The following FOXO3 variants were observed in gnomAD, a reference collection of about 807,000 sequenced individuals.
FOXO3 encodes the protein forkhead box O3.
FOXO3 carries 4 observed loss-of-function variants against 41.9 expected under a neutral mutation model. The ratio of observed to expected loss-of-function variants is 0.10; its 90% confidence interval spans 0.05 to 0.22. The LOEUF (loss-of-function observed/expected upper bound fraction) is 0.22, where lower values mean the gene tolerates loss of function less well. FOXO3 is among the 10% of genes least tolerant of loss of function. The pLI is 1.00. For synonymous variants in FOXO3, 318 were observed against 389.3 expected (o/e 0.82, Z 2.16); for missense variants, 534 against 906.8 (o/e 0.59, Z 5.28).
intron 1 of FOXO3, 66 bp downstream of exon 1, chr6:108,561,895 C>T: frequency 6.8e-7 from 1 of 1,475,850 alleles, no homozygotes; most frequent in Non-Finnish European, 9.0e-7. Context: ...AGACGCGTCT[C>T]GGATTCGTCG....
At chr6:108,613,253 T>C (rs993197942) in intron 1 of FOXO3, among the ~76,000 whole-genome samples, 1 of 152,192 alleles carries the variant, frequency 6.6e-6, no homozygotes, top group Admixed American at 6.5e-5. Context: ...ATGGTGGTCT[T>C]ATAACATGAG....
chr6:108,583,474 A>G (rs999274314), intron 1 of FOXO3, among the ~76,000 whole-genome samples: 2 of 152,190 alleles, frequency 1.3e-5, no homozygotes, highest in Non-Finnish European at 2.9e-5. Context: ...GTGCCAGAGG[A>G]GTGGGCACAT....
At chr6:108,585,344 C>G (rs984821756) in intron 1 of FOXO3, among the ~76,000 whole-genome samples, 2 of 141,592 alleles carry the variant, frequency 1.4e-5, no homozygotes, top group Admixed American at 1.4e-4. Flanking sequence ...CGCCCGGCCT[C>G]TATCTCCAAA....
intron 1 of FOXO3, among the ~76,000 whole-genome samples, chr6:108,577,094 C>T (rs1487194983): frequency 6.6e-6 from 1 of 151,838 alleles, no homozygotes; most frequent in Non-Finnish European, 1.5e-5. Context: ...GTTAATTTTG[C>T]TGAGGGAGAA....
At chr6:108,614,156 A>T (rs1446531822) in intron 1 of FOXO3, among the ~76,000 whole-genome samples, 2 of 152,044 alleles carry the variant, frequency 1.3e-5, no homozygotes, top group Non-Finnish European at 2.9e-5. Flanking sequence ...TTTTCCATGT[A>T]CTTAAAAAGA....
At chr6:108,635,703 C>A (rs1035591721) in intron 1 of FOXO3, among the ~76,000 whole-genome samples, 2 of 152,126 alleles carry the variant, frequency 1.3e-5, no homozygotes, top group Non-Finnish European at 2.9e-5. Context: ...AACGATTGGC[C>A]ACTTGTACAG....
rs150535671 is a variant in FOXO3 at position 108,664,378 on chromosome 6, G to A, written c.1545G>A (p.Pro515=). 1.5e-4 allele frequency: 237 copies of A among 1,613,668 alleles called. 3 individuals are homozygous for A. The African/African-American group carries it at 2.7e-3, about 18-fold the overall frequency. ...SRRNVMLRND[P]MMSFAAQPNQ... ...GGAACGTGATGCTTCGCAATGATCC[G>A]ATGATGTCCTTTGCTGCCCAGCCTA... The change falls in exon 2 of 3, where the codon CCG becomes CCA. Residue 515 remains proline (P), a synonymous_variant. Transcript: ENST00000406360.
At chr6:108,637,379 A>T (rs1778146822) in intron 1 of FOXO3, among the ~76,000 whole-genome samples, 1 of 152,158 alleles carries the variant, frequency 6.6e-6, no homozygotes, top group South Asian at 2.1e-4. Flanking sequence ...TTTGTCCCAG[A>T]GTCCTGCTTA....
At chr6:108,583,107 C>A (rs1372818605) in intron 1 of FOXO3, among the ~76,000 whole-genome samples, 3 of 152,204 alleles carry the variant, frequency 2.0e-5, no homozygotes, top group Non-Finnish European at 4.4e-5. Flanking sequence ...TGTGAACTGA[C>A]TCCGTGGTCA....
chr6:108,678,770 G>A (rs981242400), intron 2 of FOXO3, among the ~76,000 whole-genome samples: 10 of 150,956 alleles, frequency 6.6e-5, no homozygotes, highest in Non-Finnish European at 1.2e-4. Context: ...TGGCGTGCCT[G>A]TAGTCCTAGC....
intron 1 of FOXO3, among the ~76,000 whole-genome samples, chr6:108,593,144 A>C (rs1776775653): frequency 6.6e-6 from 1 of 152,210 alleles, no homozygotes; most frequent in Non-Finnish European, 1.5e-5. Context: ...GACTTGGTAC[A>C]AGTGTTTTTT....
At chr6:108,664,997 A>C in intron 2 of FOXO3, 108 bp downstream of exon 2, 1 of 1,204,524 alleles carries the variant, frequency 8.3e-7, no homozygotes, top group Non-Finnish European at 1.1e-6. Flanking sequence ...ACTGAAAACC[A>C]TGGAGCAGTG....
Position 108,655,635 on chromosome 6 carries a change from C to T in FOXO3, c.622-7820C>T, listed in dbSNP as rs143820678. Among the ~76,000 whole-genome samples the T allele has an allele frequency of 3.2e-3, 481 of 152,208 alleles. 2 individuals carry two copies. Among genetic ancestry groups the T allele is most frequent in the Non-Finnish European group, 5.3e-3 (361 of 68,006 alleles). On this transcript the variant is annotated intron_variant, in intron 1 of 2. Transcript: ENST00000406360. Reference sequence around the variant, plus strand: ...AGTCTCCCCAGGTGATTCTAATAGGCGGGGTGAAGAACTACTACTGAAGGG... The same window carrying T: ...AGTCTCCCCAGGTGATTCTAATAGGTGGGGTGAAGAACTACTACTGAAGGG...
intron 2 of FOXO3, among the ~76,000 whole-genome samples, chr6:108,672,395 C>T (rs573265949): frequency 6.6e-6 from 1 of 152,280 alleles, no homozygotes; most frequent in South Asian, 2.1e-4. Flanking sequence ...ATAGGCTGTT[C>T]TTCTCTAAGC....
At chr6:108,571,716 C>T (rs867337082) in intron 1 of FOXO3, among the ~76,000 whole-genome samples, 32 of 152,260 alleles carry the variant, frequency 2.1e-4, no homozygotes, top group Non-Finnish European at 7.3e-5. Flanking sequence ...GCTTTGCCAA[C>T]GCCTTGATTT....
intron 1 of FOXO3, among the ~76,000 whole-genome samples, chr6:108,644,266 T>C (rs1426317258): frequency 2.0e-5 from 3 of 152,196 alleles, no homozygotes; most frequent in African/African-American, 7.2e-5. Context: ...ATTGTCCTCA[T>C]TGTTGTGAAG....
intron 1 of FOXO3, among the ~76,000 whole-genome samples, chr6:108,578,892 C>T (rs966219006): frequency 4.6e-5 from 7 of 152,118 alleles, no homozygotes; most frequent in African/African-American, 7.2e-5. Context: ...AAAAGGCGCA[C>T]GACCTCTTGC....
intron 1 of FOXO3, among the ~76,000 whole-genome samples, chr6:108,648,849 T>C (rs1035514626): frequency 1.3e-5 from 2 of 150,966 alleles, no homozygotes; most frequent in African/African-American, 4.9e-5. Context: ...AATAAAAAAT[T>C]AGTGAAGTGT....
chr6:108,614,343 A>G (rs1777437197), intron 1 of FOXO3, among the ~76,000 whole-genome samples: 1 of 152,148 alleles, frequency 6.6e-6, no homozygotes, highest in Non-Finnish European at 1.5e-5. Context: ...CATGTTTTTA[A>G]CAAACTTTAA....
Sources: gnomAD v4.1 joint callset for allele counts (sites outside exome capture counted in the v4.1 genomes callset) on GRCh38, gnomAD v4.1.1 for gene constraint, MANE v1.5 for transcripts, NCBI Gene and HGNC (gene_info 2026-07-23, HGNC 2026-07-21) for gene names.